The following PLEKHH2 variants were observed in gnomAD, a reference collection of about 807,000 sequenced individuals.
PLEKHH2 encodes the protein pleckstrin homology domain-containing family H member 2.
In PLEKHH2, 129 loss-of-function variants were observed where a neutral mutation model predicts 187.9. The ratio of observed to expected loss-of-function variants is 0.69; its 90% confidence interval spans 0.59 to 0.79. The LOEUF (loss-of-function observed/expected upper bound fraction) is 0.79, where lower values mean the gene tolerates loss of function less well. Among genes scored for constraint, PLEKHH2 ranks in the 30% least tolerant of loss-of-function variants. PLEKHH2 has a pLI of 0.00. For synonymous variants in PLEKHH2, 686 were observed against 605.6 expected (o/e 1.13, Z -1.95); for missense variants, 2,076 against 1,751.2 (o/e 1.19, Z -3.31).
At chr2:43,646,129 C>G (rs923775866) in intron 2 of PLEKHH2, among the ~76,000 whole-genome samples, 2 of 152,114 alleles carry the variant, frequency 1.3e-5, no homozygotes, top group African/African-American at 4.8e-5. Flanking sequence ...GTCAATGAAT[C>G]CTGAACTTCA....
chr2:43,692,777 C>T lies in PLEKHH2; in HGVS notation c.336+114C>T, dbSNP rs147886275. 1,490 of 1,162,866 alleles carry T rather than the reference C, an allele frequency of 1.3e-3. 9 individuals are homozygous for T. In the African/African-American group the frequency reaches 0.019, roughly 15 times the overall value. 72.0% of individuals were successfully genotyped at this position (1,162,866 alleles called of 1,614,324 possible). On this transcript the variant is annotated intron_variant, in intron 4 of 29. Transcript: ENST00000282406. ...TATTTGGGGAGAAATATTGCTTATT[C>T]GGTCAACCCATAGGATTGCATCACA...
intron 25 of PLEKHH2, among the ~76,000 whole-genome samples, chr2:43,754,668 G>A (rs1460561623): frequency 5.3e-5 from 8 of 152,130 alleles, no homozygotes; most frequent in Non-Finnish European, 7.3e-5. Flanking sequence ...GGTTAATTAA[G>A]GAAAATGTTA....
At chr2:43,728,281 C>A (rs963059434) in intron 17 of PLEKHH2, among the ~76,000 whole-genome samples, 1 of 151,388 alleles carries the variant, frequency 6.6e-6, no homozygotes, top group African/African-American at 2.4e-5. Flanking sequence ...GAGTTCGAGA[C>A]CAGCCTGGCC....
At chr2:43,724,279 A>G (rs1291505040) in intron 16 of PLEKHH2, among the ~76,000 whole-genome samples, 1 of 152,210 alleles carries the variant, frequency 6.6e-6, no homozygotes, top group Non-Finnish European at 1.5e-5. Flanking sequence ...CCAGAGAGTG[A>G]GCATAGATGG....
At chr2:43,666,081 C>T (rs1464129337) in intron 2 of PLEKHH2, among the ~76,000 whole-genome samples, 9 of 149,642 alleles carry the variant, frequency 6.0e-5, no homozygotes, top group Non-Finnish European at 5.9e-5. Flanking sequence ...GCCTTGCTGC[C>T]GCCTTGCAGT....
chr2:43,710,424 C>T (rs1465996549), intron 13 of PLEKHH2, 65 bp from the exon 14 acceptor site: 5 of 1,578,132 alleles, frequency 3.2e-6, no homozygotes, highest in Admixed American at 1.8e-5. Flanking sequence ...AGTAATGATA[C>T]AAAGCATTCC....
chr2:43,695,302 A>G, intron 6 of PLEKHH2, 78 bp downstream of exon 6: 7 of 684,072 alleles, frequency 1.0e-5, no homozygotes, highest in Non-Finnish European at 1.6e-5. Flanking sequence ...TGTTTTAAAG[A>G]TGCGATTATG....
chr2:43,705,713 C>T (rs1029885030), intron 9 of PLEKHH2, among the ~76,000 whole-genome samples: 1 of 152,058 alleles, frequency 6.6e-6, no homozygotes, highest in African/African-American at 2.4e-5. Context: ...CCTCCCCTTC[C>T]CAGGTTCAAG....
intron 15 of PLEKHH2, among the ~76,000 whole-genome samples, chr2:43,714,746 G>A (rs1670133297): frequency 6.6e-6 from 1 of 152,172 alleles, no homozygotes. Context: ...ACAATGTGCT[G>A]AAAGATACTA....
chr2:43,738,608 TGGAG>T, intron 20 of PLEKHH2, 88 bp downstream of exon 20: 1 of 1,293,382 alleles, frequency 7.7e-7, no homozygotes, highest in Admixed American at 2.5e-5. Context: ...CATAGACATT[TGGAG>T]AATACAAAAA....
At chr2:43,731,133 A>T (rs1171320249) in intron 18 of PLEKHH2, among the ~76,000 whole-genome samples, 2 of 152,182 alleles carry the variant, frequency 1.3e-5, no homozygotes, top group Admixed American at 6.5e-5. Context: ...ACTGAGGGAA[A>T]GGGTGGGAAG....
chr2:43,669,068 C>T (rs2104396401), intron 2 of PLEKHH2, among the ~76,000 whole-genome samples: 1 of 152,266 alleles, frequency 6.6e-6, no homozygotes, highest in South Asian at 2.1e-4. Flanking sequence ...CTTAAACTTA[C>T]AAGGGCTTCT....
At chr2:43,749,278 G>C (rs1170985281) in intron 24 of PLEKHH2, among the ~76,000 whole-genome samples, 2 of 152,170 alleles carry the variant, frequency 1.3e-5, no homozygotes, top group African/African-American at 4.8e-5. Flanking sequence ...CAAAGACCTG[G>C]AATCAATAGA....
Position 43,710,510 on chromosome 2 carries a change from C to T in PLEKHH2, c.2236C>T (p.Gln746Ter), listed in dbSNP as rs1669907327. 1.9e-6 allele frequency: 3 copies of T among 1,598,096 alleles called. No individual in the cohort carries two copies. Among genetic ancestry groups the T allele is most frequent in the Non-Finnish European group, 2.5e-6 (3 of 1,176,526 alleles). The change falls in exon 14 of 30, where the codon CAG becomes TAG. Residue 746 changes from glutamine (Q) to a stop codon, truncating the protein, a stop_gained. Coordinates refer to ENST00000282406, the MANE Select transcript of PLEKHH2 (RefSeq NM_172069.4). LOFTEE classifies it high-confidence loss of function. ...ACAGAGTGATGTAATTAGAAAACCC[C>T]AGGGCCATATTGAACTTAGTGCATC... ...KSPSDVIRKP[Q>*]GHIELSASCS... is the part of the protein sequence containing the mutation.
intron 3 of PLEKHH2, among the ~76,000 whole-genome samples, chr2:43,686,726 T>C (rs1273800180): frequency 6.6e-6 from 1 of 152,214 alleles, no homozygotes; most frequent in East Asian, 1.9e-4. Context: ...ATTAGAATGA[T>C]TAATTAATTT....
At chr2:43,731,754 A>G in intron 19 of PLEKHH2, 152 bp downstream of exon 19, 1 of 579,520 alleles carries the variant, frequency 1.7e-6, no homozygotes. Flanking sequence ...TCATTGAAAT[A>G]AAATTAGGTG....
At chr2:43,714,853 A>T (rs1199560525) in intron 15 of PLEKHH2, among the ~76,000 whole-genome samples, 1 of 152,218 alleles carries the variant, frequency 6.6e-6, no homozygotes, top group East Asian at 1.9e-4. Flanking sequence ...AAGTACAATT[A>T]TTGAGATGTG....
At chr2:43,740,380 A>G (rs1671507475) in intron 20 of PLEKHH2, among the ~76,000 whole-genome samples, 2 of 152,224 alleles carry the variant, frequency 1.3e-5, no homozygotes, top group African/African-American at 4.8e-5. Context: ...ATTCTGCTGT[A>G]ACATGTTTTA....
At chr2:43,736,400 A>G (rs919298622) in intron 19 of PLEKHH2, among the ~76,000 whole-genome samples, 14 of 152,120 alleles carry the variant, frequency 9.2e-5, no homozygotes, top group Non-Finnish European at 1.5e-4. Context: ...AACTAATGAC[A>G]TACGCCCTGT....
Sources: allele counts gnomAD v4.1 joint callset (sites outside exome capture counted in the v4.1 genomes callset), GRCh38; gene constraint gnomAD v4.1.1; transcripts MANE v1.5; gene names NCBI Gene and HGNC (gene_info 2026-07-23, HGNC 2026-07-21).